The following MAST4 variants were observed in gnomAD, a reference collection of about 807,000 sequenced individuals.
MAST4 encodes microtubule-associated serine/threonine-protein kinase 4.
In MAST4, 89 loss-of-function variants were observed where a neutral mutation model predicts 162.7. The observed-to-expected ratio is 0.55, with a 90% confidence interval of 0.46 to 0.65. The LOEUF is 0.65. Ranked by LOEUF, MAST4 falls within the 30% of genes least tolerant of loss-of-function variation. MAST4 has a pLI of 0.00. For synonymous variants in MAST4, 1,479 were observed against 1,361.1 expected (o/e 1.09, Z -1.91); for missense variants, 3,153 against 3,374.0 (o/e 0.93, Z 1.62).
intron 5 of MAST4, among the ~76,000 whole-genome samples, chr5:67,075,561 A>G (rs998490155): frequency 6.6e-6 from 1 of 152,132 alleles, no homozygotes; most frequent in African/African-American, 2.4e-5. Context: ...ATATTACAAA[A>G]CTATTTAGCA....
intron 1 of MAST4, among the ~76,000 whole-genome samples, chr5:66,613,411 C>A (rs1743429687): frequency 6.6e-6 from 1 of 151,044 alleles, no homozygotes; most frequent in Admixed American, 6.6e-5. Flanking sequence ...TCAAAATTTG[C>A]CAAATTTAGG....
chr5:66,740,353 T>C (rs1291004503), intron 1 of MAST4, among the ~76,000 whole-genome samples: 1 of 152,188 alleles, frequency 6.6e-6, no homozygotes, highest in Non-Finnish European at 1.5e-5. Flanking sequence ...ACGTGCTGTC[T>C]CTTAAATTTA....
chr5:66,662,229 A>AC (rs1746960545), intron 1 of MAST4: 1 of 152,136 alleles, frequency 6.6e-6, no homozygotes, highest in Non-Finnish European at 1.5e-5. Context: ...ATTTAAAAAA[A>AC]ACACACACAA....
At chr5:67,065,525 G>C (rs1341892872) in intron 5 of MAST4, among the ~76,000 whole-genome samples, 1 of 152,176 alleles carries the variant, frequency 6.6e-6, no homozygotes, top group Non-Finnish European at 1.5e-5. Context: ...GGCTCCGTTA[G>C]TGTGAGGATC....
intron 4 of MAST4, among the ~76,000 whole-genome samples, chr5:66,935,987 G>T (rs757682890): frequency 3.3e-5 from 5 of 152,054 alleles, no homozygotes; most frequent in Non-Finnish European, 7.4e-5. Context: ...TAATCCTAAG[G>T]TCAGGTTGTG....
At chr5:66,772,978 A>G (rs947451596) in intron 2 of MAST4, among the ~76,000 whole-genome samples, 1 of 152,178 alleles carries the variant, frequency 6.6e-6, no homozygotes, top group African/African-American at 2.4e-5. Context: ...GTTGCTCTGC[A>G]AGGAAGCCCA....
intron 4 of MAST4, among the ~76,000 whole-genome samples, chr5:66,933,469 C>A (rs1022690147): frequency 1.3e-5 from 2 of 152,132 alleles, no homozygotes; most frequent in Admixed American, 1.3e-4. Flanking sequence ...AAATAATGCA[C>A]CTCTTACAAA....
At chr5:67,004,987 G>C (rs750605434) in intron 4 of MAST4, 1 of 767,916 alleles carries the variant, frequency 1.3e-6, no homozygotes, top group Non-Finnish European at 2.4e-6. Context: ...ATTGAAGAGA[G>C]AAAGAAATGG....
intron 3 of MAST4, among the ~76,000 whole-genome samples, chr5:66,833,673 G>A (rs1023465144): frequency 6.6e-5 from 10 of 152,210 alleles, no homozygotes; most frequent in Non-Finnish European, 1.3e-4. Flanking sequence ...GCTTATTAGA[G>A]ATTAATGTGA....
At chr5:66,888,192 G>A (rs1045602345) in intron 3 of MAST4, among the ~76,000 whole-genome samples, 23 of 151,734 alleles carry the variant, frequency 1.5e-4, no homozygotes, top group East Asian at 5.8e-4. Context: ...AATAAATTTC[G>A]GTACCATTAG....
chr5:66,780,496 G>C (rs1580433292), intron 2 of MAST4, among the ~76,000 whole-genome samples: 1 of 152,326 alleles, frequency 6.6e-6, no homozygotes, highest in Middle Eastern at 3.4e-3. Context: ...CTTCAAGAAT[G>C]AAGCTGCGGA....
At chr5:66,780,566 C>T (rs866089733) in intron 2 of MAST4, among the ~76,000 whole-genome samples, 7 of 152,268 alleles carry the variant, frequency 4.6e-5, no homozygotes, top group South Asian at 2.1e-4. Flanking sequence ...TGAGCAGCAG[C>T]AAGATTTATT....
chr5:66,611,096 A>G (rs1743260507), intron 1 of MAST4, among the ~76,000 whole-genome samples: 2 of 151,948 alleles, frequency 1.3e-5, no homozygotes, highest in South Asian at 4.2e-4. Flanking sequence ...TGTCCATAAC[A>G]TTTTTTTTCT....
intron 4 of MAST4, chr5:67,001,671 A>G (rs1178929882): frequency 6.6e-6 from 1 of 152,184 alleles, no homozygotes; most frequent in East Asian, 1.9e-4. Context: ...TTTATAGGTT[A>G]TGCCCCAATA....
chr5:66,677,177 G>A (rs188109332), intron 1 of MAST4, among the ~76,000 whole-genome samples: 29 of 152,280 alleles, frequency 1.9e-4, no homozygotes, highest in Non-Finnish European at 3.7e-4. Context: ...CCTTTACAGT[G>A]CAAACAAGTA....
chr5:66,891,688 G>A (rs998348585), intron 3 of MAST4, among the ~76,000 whole-genome samples: 3 of 151,954 alleles, frequency 2.0e-5, no homozygotes, highest in Non-Finnish European at 4.4e-5. Flanking sequence ...ACCTGACTAC[G>A]TCTGTTCTCT....
intron 3 of MAST4, among the ~76,000 whole-genome samples, chr5:66,884,194 T>C (rs1225031876): frequency 3.9e-5 from 6 of 152,212 alleles, no homozygotes; most frequent in Non-Finnish European, 5.9e-5. Flanking sequence ...TAAATTTGGG[T>C]AGCACCAGAG....
At chr5:66,935,394 A>G (rs1742626516) in intron 4 of MAST4, among the ~76,000 whole-genome samples, 1 of 152,130 alleles carries the variant, frequency 6.6e-6, no homozygotes, top group Non-Finnish European at 1.5e-5. Flanking sequence ...ATGGAGGCCA[A>G]TTATATTGGA....
At chr5:67,061,744 A>G (rs190994749) in intron 5 of MAST4, among the ~76,000 whole-genome samples, 382 of 147,762 alleles carry the variant, frequency 2.6e-3, no homozygotes, top group Non-Finnish European at 4.3e-3. Context: ...CCAGTGACGC[A>G]TTTCTTTACC....
Sources: gnomAD v4.1 joint callset for allele counts (sites outside exome capture counted in the v4.1 genomes callset) on GRCh38, gnomAD v4.1.1 for gene constraint, MANE v1.5 for transcripts, NCBI Gene and HGNC (gene_info 2026-07-23, HGNC 2026-07-21) for gene names.